Variants in FRRS1 observed in about 807,000 individuals in gnomAD.
The protein encoded by FRRS1 is ferric reductase 1.
Under a neutral mutation model 70.7 loss-of-function variants are expected in FRRS1, and 51 were observed. The observed-to-expected ratio is 0.72, with a 90% CI of 0.58 to 0.91. The LOEUF (loss-of-function observed/expected upper bound fraction) is 0.91, where lower values mean the gene tolerates loss of function less well. Among genes scored for constraint, FRRS1 ranks in the 40% least tolerant of loss-of-function variants. The probability of loss-of-function intolerance (pLI) is 0.00; values close to 1 mark genes in which losing one functional copy is unlikely to be tolerated. For synonymous variants in FRRS1, 225 were observed against 238.7 expected (o/e 0.94, Z 0.53); for missense variants, 672 against 726.0 (o/e 0.93, Z 0.86).
chr1:99,729,874 C>T (rs1655259389), intron 7 of FRRS1, 126 bp from the exon 8 acceptor site: 1 of 631,588 alleles, frequency 1.6e-6, no homozygotes, highest in Admixed American at 2.6e-5. Context: ...TTTACTGAAT[C>T]ATGAATGATG....
chr1:99,751,644 C>T (rs991537341), intron 1 of FRRS1, among the ~76,000 whole-genome samples: 1 of 151,936 alleles, frequency 6.6e-6, no homozygotes, highest in Non-Finnish European at 1.5e-5. Context: ...GAATTCTATA[C>T]CCCAAAAGAT....
chr1:99,715,269 T>G (rs1654463308), intron 12 of FRRS1, among the ~76,000 whole-genome samples: 1 of 152,180 alleles, frequency 6.6e-6, no homozygotes, highest in East Asian at 1.9e-4. Flanking sequence ...AGAAAACCAC[T>G]CACATTGTTC....
chr1:99,712,613 T>C (rs1325858769), intron 12 of FRRS1, 98 bp from the exon 13 acceptor site: 3 of 616,498 alleles, frequency 4.9e-6, no homozygotes, highest in Admixed American at 6.7e-5. Context: ...TTAGTATTTT[T>C]CCATGGCTTT....
chr1:99,759,860 A>C (rs1355329703), intron 1 of FRRS1, among the ~76,000 whole-genome samples: 1 of 152,212 alleles, frequency 6.6e-6, no homozygotes, highest in East Asian at 1.9e-4. Flanking sequence ...ACCCTAAATC[A>C]CACATACTTT....
chr1:99,758,857 C>G (rs924729271), intron 1 of FRRS1, among the ~76,000 whole-genome samples: 1 of 152,042 alleles, frequency 6.6e-6, no homozygotes, highest in African/African-American at 2.4e-5. Context: ...TGGGGGGAGG[C>G]CTATAAATGG....
chr1:99,759,379 T>G (rs928852586), intron 1 of FRRS1, among the ~76,000 whole-genome samples: 2 of 152,176 alleles, frequency 1.3e-5, no homozygotes, highest in African/African-American at 4.8e-5. Context: ...AGAAAGAACC[T>G]ATGTTGAAAT....
At chr1:99,710,666 T>G in intron 15 of FRRS1, 140 bp downstream of exon 15, 1 of 651,920 alleles carries the variant, frequency 1.5e-6, no homozygotes, top group East Asian at 2.8e-5. Context: ...AAAATCACAA[T>G]TTCTAGCACT....
chr1:99,715,498 C>A, intron 12 of FRRS1, 88 bp downstream of exon 12: 1 of 791,084 alleles, frequency 1.3e-6, no homozygotes, highest in Non-Finnish European at 2.2e-6. Flanking sequence ...GCTGAAATAT[C>A]TTTTTACCCA....
chr1:99,759,184 G>A (rs545381754), intron 1 of FRRS1, among the ~76,000 whole-genome samples: 2 of 152,050 alleles, frequency 1.3e-5, no homozygotes, highest in African/African-American at 2.4e-5. Context: ...TGATCTTTGT[G>A]CCTACTCCCT....
intron 4 of FRRS1, among the ~76,000 whole-genome samples, chr1:99,743,837 A>G (rs907133949): frequency 6.6e-6 from 1 of 152,172 alleles, no homozygotes. Context: ...GGGATGAGCC[A>G]CTGCACCCAG....
chr1:99,746,781 G>C (rs996416117), intron 4 of FRRS1, among the ~76,000 whole-genome samples: 2 of 152,180 alleles, frequency 1.3e-5, no homozygotes, highest in African/African-American at 4.8e-5. Context: ...AAGCAAAGCG[G>C]GGAAGAATTG....
At chr1:99,727,628 C>T (rs1655135941) in intron 9 of FRRS1, among the ~76,000 whole-genome samples, 1 of 152,188 alleles carries the variant, frequency 6.6e-6, no homozygotes, top group Admixed American at 6.5e-5. Context: ...ACATTTCCTG[C>T]TCTTCCTTTC....
intron 14 of FRRS1, 75 bp from the exon 15 acceptor site, chr1:99,711,024 A>T (rs1300934751): frequency 8.0e-7 from 1 of 1,250,390 alleles, no homozygotes; most frequent in African/African-American, 1.5e-5. Flanking sequence ...GTGTATGTGT[A>T]TTATCAAGTA....
At chr1:99,741,169 T>C (rs1655944171) in intron 5 of FRRS1, among the ~76,000 whole-genome samples, 1 of 152,200 alleles carries the variant, frequency 6.6e-6, no homozygotes, top group Admixed American at 6.5e-5. Flanking sequence ...TATTTGTCTG[T>C]TTTGGGGGCA....
intron 1 of FRRS1, among the ~76,000 whole-genome samples, chr1:99,755,248 G>C (rs1044301248): frequency 7.2e-6 from 1 of 138,686 alleles, no homozygotes; most frequent in African/African-American, 3.1e-5. Context: ...GTGAGACCCT[G>C]TCTCTCCAAA....
At chr1:99,709,686 A>G (rs12135581) in intron 15 of FRRS1, among the ~76,000 whole-genome samples, 20,190 of 152,180 alleles carry the variant, frequency 0.13, 2,877 homozygotes, top group African/African-American at 0.36. Context: ...GTAAGCCATC[A>G]GCCAAGCATG....
chr1:99,712,582 A>G, intron 12 of FRRS1, 67 bp from the exon 13 acceptor site: 2 of 814,212 alleles, frequency 2.5e-6, no homozygotes, highest in Non-Finnish European at 4.1e-6. Flanking sequence ...CAAGTTAAAA[A>G]TAATACACAC....
chr1:99,715,820 T>TAA, intron 11 of FRRS1, 148 bp from the exon 12 acceptor site: 1 of 518,020 alleles, frequency 1.9e-6, no homozygotes, highest in East Asian at 3.2e-5. Context: ...TGTAGCCAGG[T>TAA]TAAGAAAAAA....
At chr1:99,765,966 A>G (rs1340444183) in intron 1 of FRRS1, among the ~76,000 whole-genome samples, 1 of 152,136 alleles carries the variant, frequency 6.6e-6, no homozygotes, top group Non-Finnish European at 1.5e-5. Context: ...GCAAATGAAA[A>G]TATCTGAACT....
Sources: gnomAD v4.1 joint callset for allele counts (sites outside exome capture counted in the v4.1 genomes callset) on GRCh38, gnomAD v4.1.1 for gene constraint, MANE v1.5 for transcripts, NCBI Gene and HGNC (gene_info 2026-07-23, HGNC 2026-07-21) for gene names.